IMMP1L: variants seen among roughly 807,000 people sequenced by gnomAD.
The protein encoded by IMMP1L is mitochondrial inner membrane protease subunit 1.
In IMMP1L, 24 loss-of-function variants were observed where a neutral mutation model predicts 21.8. The ratio of observed to expected loss-of-function variants is 1.10; its 90% confidence interval spans 0.80 to 1.55. The LOEUF is 1.55. Ranked by LOEUF, IMMP1L falls within the 40% of genes most tolerant of loss-of-function variation. IMMP1L has a pLI of 0.00. For synonymous variants in IMMP1L, 46 were observed against 62.8 expected, an observed-to-expected ratio of 0.73 and a Z score of 1.26; for missense variants, 195 against 200.7, an observed-to-expected ratio of 0.97 and a Z score of 0.17.
chr11:31,502,670 C>T (rs1955658677), intron 1 of IMMP1L, among the ~76,000 whole-genome samples: 1 of 152,218 alleles, frequency 6.6e-6, no homozygotes, highest in Non-Finnish European at 1.5e-5. Flanking sequence ...GAACATCACA[C>T]ATGCTTTAAC....
chr11:31,433,447 C>G lies in IMMP1L; in HGVS notation c.432+13G>C. The G allele has an allele frequency of 7.1e-7, 1 of 1,414,070 alleles. No homozygotes were observed. Among genetic ancestry groups the G allele is most frequent in the Non-Finnish European group, 9.8e-7 (1 of 1,023,114 alleles). 87.6% of individuals were successfully genotyped at this position (1,414,070 alleles called of 1,614,324 possible). ...CAGAAAATAAACCTTACATTTTAAG[C>G]AGAAAATGGTACCTTAAAGAAGATT... On this transcript the variant is annotated intron_variant, in intron 5 of 5. Coordinates refer to ENST00000532287, the MANE Select transcript of IMMP1L (RefSeq NM_001304274.2).
chr11:31,496,822 A>G (rs935617145), intron 1 of IMMP1L, among the ~76,000 whole-genome samples: 9 of 148,106 alleles, frequency 6.1e-5, no homozygotes, highest in African/African-American at 2.2e-4. Context: ...TATATTATAC[A>G]TTATATAATC....
At chr11:31,452,132 G>T in intron 4 of IMMP1L, 2 of 710,530 alleles carry the variant, frequency 2.8e-6, no homozygotes, top group African/African-American at 1.9e-5. Context: ...ATAATATGAA[G>T]CTCAGAGTGG....
chr11:31,469,776 C>T (rs746392737), intron 1 of IMMP1L: 2 of 152,122 alleles, frequency 1.3e-5, no homozygotes, highest in African/African-American at 2.4e-5. Context: ...CAGCTACATC[C>T]AGGCACAGTA....
intron 1 of IMMP1L, among the ~76,000 whole-genome samples, chr11:31,501,675 C>T (rs1426346099): frequency 1.3e-5 from 2 of 151,888 alleles, no homozygotes; most frequent in African/African-American, 4.8e-5. Context: ...AAATAATGGC[C>T]GAGCATGGTG....
At chr11:31,507,608 A>C (rs1466793569) in intron 1 of IMMP1L, among the ~76,000 whole-genome samples, 1 of 152,198 alleles carries the variant, frequency 6.6e-6, no homozygotes, top group African/African-American at 2.4e-5. Flanking sequence ...CATAGGTGGA[A>C]TCTAATAGTT....
At chr11:31,473,854 G>T in intron 1 of IMMP1L, 1 of 407,794 alleles carries the variant, frequency 2.5e-6, no homozygotes, top group Non-Finnish European at 3.3e-6. Flanking sequence ...ATACAAGTAT[G>T]TAAATACATT....
rs528550662 is a variant in IMMP1L at position 31,457,873 on chromosome 11, C to T, written c.195-1487G>A. On this transcript the variant is annotated intron_variant, in intron 3 of 5. Coordinates refer to ENST00000532287, the MANE Select transcript of IMMP1L (RefSeq NM_001304274.2). ...AGAGTTGAAAGGTAGCAAATCGTTA[C>T]ATTCTATAATTTGGAGGCAACACAG... Among the ~76,000 whole-genome samples, 24 of 152,260 alleles carry T rather than the reference C, an allele frequency of 1.6e-4. 1 individual carries two copies. The South Asian group carries it at 4.8e-3, about 30-fold the overall frequency.
intron 4 of IMMP1L, among the ~76,000 whole-genome samples, chr11:31,441,708 T>A (rs144937834): frequency 2.0e-5 from 3 of 152,166 alleles, no homozygotes; most frequent in African/African-American, 7.2e-5. Flanking sequence ...ATTATAATAA[T>A]AAAATATGAA....
intron 4 of IMMP1L, among the ~76,000 whole-genome samples, chr11:31,439,317 C>T (rs1339298181): frequency 6.6e-6 from 1 of 151,844 alleles, no homozygotes; most frequent in Non-Finnish European, 1.5e-5. Context: ...AGTTTGTATA[C>T]TTTTAATTGC....
chr11:31,474,391 C>T, intron 1 of IMMP1L, among the ~76,000 whole-genome samples: 1 of 152,162 alleles, frequency 6.6e-6, no homozygotes, highest in Non-Finnish European at 1.5e-5. Context: ...TTCAAAATCA[C>T]CTTCAGGGCT....
intron 4 of IMMP1L, chr11:31,448,831 C>G (rs1480780067): frequency 8.3e-6 from 4 of 482,382 alleles, no homozygotes; most frequent in Non-Finnish European, 1.1e-5. Flanking sequence ...CTAGGAGCCT[C>G]AAAGATTATT....
chr11:31,482,165 TTC>T (rs1219720816), intron 1 of IMMP1L, among the ~76,000 whole-genome samples: 1 of 152,084 alleles, frequency 6.6e-6, no homozygotes, highest in African/African-American at 2.4e-5. Context: ...ACCTCATTTT[TTC>T]TGTCTCCAGA....
chr11:31,475,072 C>T (rs1028485904), intron 1 of IMMP1L, among the ~76,000 whole-genome samples: 2 of 152,106 alleles, frequency 1.3e-5, no homozygotes, highest in Admixed American at 1.3e-4. Flanking sequence ...TTAAAGTGAA[C>T]GTTAACTTTG....
At chr11:31,436,226 G>C (rs922311259) in intron 4 of IMMP1L, among the ~76,000 whole-genome samples, 4 of 151,982 alleles carry the variant, frequency 2.6e-5, no homozygotes, top group Admixed American at 2.0e-4. Flanking sequence ...TTTTTATGCA[G>C]TATTTACTTT....
intron 1 of IMMP1L, chr11:31,477,621 A>G: frequency 5.8e-6 from 5 of 857,626 alleles, no homozygotes; most frequent in Non-Finnish European, 7.0e-6. Flanking sequence ...GCTGCCAGTT[A>G]TAGCGCCAGG....
At chr11:31,507,317 T>C (rs1187581857) in intron 1 of IMMP1L, among the ~76,000 whole-genome samples, 1 of 152,004 alleles carries the variant, frequency 6.6e-6, no homozygotes, top group African/African-American at 2.4e-5. Context: ...CCTACGATAG[T>C]GTTATACCAG....
At chr11:31,491,969 A>G (rs911847539) in intron 1 of IMMP1L, among the ~76,000 whole-genome samples, 3 of 152,216 alleles carry the variant, frequency 2.0e-5, no homozygotes, top group Admixed American at 6.5e-5. Context: ...GAGTAGCTTT[A>G]GTATAATTCC....
chr11:31,478,496 C>T (rs532400660), intron 1 of IMMP1L, among the ~76,000 whole-genome samples: 3 of 152,130 alleles, frequency 2.0e-5, no homozygotes, highest in Non-Finnish European at 2.9e-5. Flanking sequence ...AATCAATGGA[C>T]GGATTTATCA....
Sources: gnomAD v4.1 joint callset for allele counts (sites outside exome capture counted in the v4.1 genomes callset) on GRCh38, gnomAD v4.1.1 for gene constraint, MANE v1.5 for transcripts, NCBI Gene and HGNC (gene_info 2026-07-23, HGNC 2026-07-21) for gene names.